The following GGA3 variants were observed in gnomAD, a reference collection of about 807,000 sequenced individuals.
The protein encoded by GGA3 is golgi associated, gamma adaptin ear containing, ARF binding protein 3, also known as ADP-ribosylation factor-binding protein GGA3.
Under a neutral mutation model 77.5 loss-of-function variants are expected in GGA3, and 57 were observed. The ratio of observed to expected loss-of-function variants is 0.74; its 90% CI spans 0.59 to 0.92. The LOEUF is 0.92. Among genes scored for constraint, GGA3 ranks in the 40% least tolerant of loss-of-function variants. GGA3 has a pLI of 0.00. For missense variants in GGA3, 970 were observed against 914.9 expected (o/e 1.06, Z -0.78); for synonymous variants, 416 against 383.7 (o/e 1.08, Z -0.98).
Position 75,237,077 on chromosome 17 carries a change from A to AT in GGA3, c.*1201dup, listed in dbSNP as rs886893823. The AT allele has an allele frequency of 9.8e-3, 2,149 of 219,532 alleles. 5 individuals are homozygous for AT. The highest frequency in any genetic ancestry group is 0.011 in the Non-Finnish European group (1,239 of 110,302). 13.6% of individuals were successfully genotyped at this position (219,532 alleles called of 1,614,324 possible). On this transcript the variant is annotated 3_prime_UTR_variant, in exon 17 of 17. Coordinates refer to ENST00000537686, the MANE Select transcript of GGA3 (RefSeq NM_138619.4). ...TCCCCCGTGTCTATGGCAGCTGGTGATTTTTTTTTTGTGACGGAGGCTTGG... is the reference window on the plus strand; with the variant it reads ...TCCCCCGTGTCTATGGCAGCTGGTGATTTTTTTTTTTGTGACGGAGGCTTGG...
At position 75,239,403 on chromosome 17, in the gene GGA3, G is replaced by A. The variant is rs1286136035; in HGVS notation, c.1752C>T (p.Ile584=). 6.4e-7 allele frequency: 1 copy of A among 1,561,716 alleles called. No homozygotes were observed. Among genetic ancestry groups the A allele is most frequent in the Non-Finnish European group, 8.6e-7 (1 of 1,160,608 alleles). Residue 584 remains isoleucine (I), a synonymous_variant, in exon 14 of 17, where the codon ATC becomes ATT. Coordinates refer to ENST00000537686, the MANE Select transcript of GGA3 (RefSeq NM_138619.4). The part of the protein sequence containing the change: ...PKGPELSLAS[I]HVPLESIKPS... ...GCTTGATCGATTCCAGGGGCACGTGGATGCTGGCCAGGGAGAGCTCAGGCC... is the reference window on the plus strand; with the variant it reads ...GCTTGATCGATTCCAGGGGCACGTGAATGCTGGCCAGGGAGAGCTCAGGCC...
intron 6 of GGA3, 39 bp downstream of exon 6, chr17:75,243,024 T>A (rs778964726): frequency 2.3e-5 from 35 of 1,541,292 alleles, no homozygotes; most frequent in Non-Finnish European, 3.1e-5. Context: ...TGCCACCCAC[T>A]CTCGTATGAG....
chr17:75,260,291 T>A (rs1230210456), intron 1 of GGA3, among the ~76,000 whole-genome samples: 1 of 152,262 alleles, frequency 6.6e-6, no homozygotes, highest in Non-Finnish European at 1.5e-5. Flanking sequence ...TGGGCATTTC[T>A]GGGCAAGTGG....
In GGA3 at chr17:75,238,035, C is replaced by T. The variant is rs572645971; in HGVS notation, c.*244G>A. 208 of 1,306,934 alleles carry T rather than the reference C, an allele frequency of 1.6e-4. No individual in the cohort carries two copies. Among genetic ancestry groups the T allele is most frequent in the Middle Eastern group, 1.2e-3 (4 of 3,438 alleles). The allele number at this position is 1,306,934 out of a possible 1,614,324, so 81.0% of individuals were successfully genotyped here. A position where few individuals can be genotyped will look rare whatever the true frequency, so the allele number is the denominator to read the frequency against. On this transcript the variant is annotated 3_prime_UTR_variant, in exon 17 of 17. Transcript: ENST00000537686. ...ACAGCAGTGAAGTCAGGGGCCACTC[C>T]GCACCCCTGACAGCATATGGCCACT...
chr17:75,239,587 G>A lies in GGA3; in HGVS notation c.1584-16C>T, dbSNP rs1267865830. On this transcript the variant is annotated splice_polypyrimidine_tract_variant and intron_variant, in intron 13 of 16. Transcript: ENST00000537686. Reference sequence around the variant, plus strand: ...GCCCGAGGTCCTGGGAGGTGGGAAGGATGGAAAGCACGTCAGAGAGCCAGC... The same window carrying A: ...GCCCGAGGTCCTGGGAGGTGGGAAGAATGGAAAGCACGTCAGAGAGCCAGC... 6.5e-7 allele frequency: 1 copy of A among 1,548,638 alleles called. No individual in the cohort carries two copies. The highest frequency in any genetic ancestry group is 2.0e-5 in the Admixed American group (1 of 50,996).
chr17:75,250,641 T>C (rs978382469), intron 1 of GGA3, among the ~76,000 whole-genome samples: 2 of 150,918 alleles, frequency 1.3e-5, no homozygotes, highest in African/African-American at 4.9e-5. Context: ...CACACACCTG[T>C]AATCTCAGCT....
chr17:75,240,137 GA>G, intron 12 of GGA3, 29 bp from the exon 13 acceptor site: 1 of 1,405,154 alleles, frequency 7.1e-7, no homozygotes, highest in Non-Finnish European at 9.7e-7. Flanking sequence ...GTGGTGAGCC[GA>G]GGGCGGGTGG....
chr17:75,251,688 TAG>T (rs2076970610), intron 1 of GGA3, among the ~76,000 whole-genome samples: 2 of 113,896 alleles, frequency 1.8e-5, no homozygotes, highest in African/African-American at 7.1e-5. Flanking sequence ...CCTGGGCGAC[TAG>T]AGTGAGACTC....
chr17:75,241,183 C>T (rs997617514), intron 10 of GGA3, 126 bp from the exon 11 acceptor site: 39 of 1,157,486 alleles, frequency 3.4e-5, no homozygotes, highest in African/African-American at 3.3e-4. Context: ...GGCATCTCTG[C>T]CAGGGGATGC....
At chr17:75,261,346 C>T (rs943172131) in intron 1 of GGA3, among the ~76,000 whole-genome samples, 1 of 152,240 alleles carries the variant, frequency 6.6e-6, no homozygotes, top group Non-Finnish European at 1.5e-5. Flanking sequence ...GAGGACGCGC[C>T]GCAGCGAGGG....
chr17:75,248,295 C>A (rs1029827452), intron 1 of GGA3, among the ~76,000 whole-genome samples: 1 of 148,452 alleles, frequency 6.7e-6, no homozygotes, highest in African/African-American at 2.5e-5. Context: ...CACGGTGAAA[C>A]CCCCTCTCTA....
chr17:75,238,891 T>G (rs974481796), intron 15 of GGA3, 23 bp downstream of exon 15: 1 of 1,611,784 alleles, frequency 6.2e-7, no homozygotes, highest in South Asian at 1.1e-5. Context: ...AAGGCCGTTT[T>G]GGCCCCAGGG....
chr17:75,255,909 A>G (rs1020406902), intron 1 of GGA3, among the ~76,000 whole-genome samples: 8 of 152,238 alleles, frequency 5.3e-5, no homozygotes, highest in African/African-American at 1.9e-4. Flanking sequence ...CATTAGGCTC[A>G]GCAAATTACC....
At chr17:75,250,743 C>CT (rs1282361116) in intron 1 of GGA3, among the ~76,000 whole-genome samples, 1 of 119,568 alleles carries the variant, frequency 8.4e-6, no homozygotes, top group African/African-American at 3.4e-5. Context: ...GCCTGGGCAA[C>CT]AGAGTGAGAC....
rs1249907641 is a variant in GGA3 at position 75,242,882 on chromosome 17, G to T, written c.558C>A (p.Asn186Lys). The T allele has an allele frequency of 1.2e-6, 2 of 1,614,070 alleles. No individual in the cohort carries two copies. The highest frequency in any genetic ancestry group is 4.5e-5 in the East Asian group (2 of 44,870). ...KLLAKLLKSKNPDDLQEANKL... is the reference protein window; with the variant it reads ...KLLAKLLKSKKPDDLQEANKL... ...TGTTGGCCTCCTGCAGGTCATCTGG[G>T]TTTTTGCTTTTCAGCAGCTTGGCTA... Residue 186 changes from asparagine to lysine, a missense_variant, in exon 7 of 17, where the codon AAC becomes AAA. Physicochemically the swap from Asn to Lys is moderately conservative, Grantham distance 94 (BLOSUM62 0). Transcript: ENST00000537686.
At chr17:75,249,038 T>C (rs1284223164) in intron 1 of GGA3, 2 of 970,538 alleles carry the variant, frequency 2.1e-6, no homozygotes, top group Non-Finnish European at 2.4e-6. Flanking sequence ...ATGGTTTAGG[T>C]TCATATTTAT....
chr17:75,246,608 C>T (rs2076766836), intron 2 of GGA3, 24 bp from the exon 3 acceptor site: 1 of 1,608,624 alleles, frequency 6.2e-7, no homozygotes. Context: ...AGAACACACT[C>T]CAGTGCACTA....
intron 3 of GGA3, among the ~76,000 whole-genome samples, chr17:75,245,243 C>A (rs2076713468): frequency 1.3e-5 from 2 of 152,232 alleles, no homozygotes; most frequent in Admixed American, 1.3e-4. Context: ...TGGTCCCTGG[C>A]ACTGCGGTTT....
chr17:75,261,711 G>A (rs189025180), upstream of GGA3: 68 of 1,156,988 alleles, frequency 5.9e-5, no homozygotes, highest in South Asian at 3.0e-4. Flanking sequence ...GCCAGACTGC[G>A]ACGGATACAG....
Sources: allele counts gnomAD v4.1 joint callset (sites outside exome capture counted in the v4.1 genomes callset), GRCh38; gene constraint gnomAD v4.1.1; transcripts MANE v1.5; gene names NCBI Gene and HGNC (gene_info 2026-07-23, HGNC 2026-07-21).